Variants in WRN observed in about 807,000 individuals in gnomAD.
WRN encodes WRN RecQ like helicase, also known as bifunctional 3'-5' exonuclease/ATP-dependent helicase WRN.
A neutral mutation model predicts 180.7 loss-of-function variants in WRN; 149 were observed. The ratio of observed to expected loss-of-function variants is 0.82; its 90% CI spans 0.72 to 0.94. The LOEUF (loss-of-function observed/expected upper bound fraction) is 0.94. Ranked by LOEUF, WRN falls within the 40% of genes least tolerant of loss-of-function variation. The probability of loss-of-function intolerance (pLI) is 0.00; values close to 1 mark genes in which losing one functional copy is unlikely to be tolerated. For missense variants in WRN, 1,661 were observed against 1,700.1 expected (o/e 0.98, Z 0.40); for synonymous variants, 548 against 568.9 (o/e 0.96, Z 0.52).
In WRN at chr8:31,150,496, A is replaced by AT. The variant is rs751839835; in HGVS notation, c.3687+47dup. On this transcript the variant is annotated intron_variant, in intron 31 of 34. Transcript: ENST00000298139. ...TTGCAGGAGCTCTTAGAGAATAAGC[A>AT]TTTTTTGTAACCATTTCAAAAGTAC... is the stretch of plus-strand genomic sequence containing the variant. The AT allele has an allele frequency of 1.5e-5, 24 of 1,572,400 alleles. No individual in the cohort carries two copies. In the African/African-American group the frequency reaches 2.6e-4, roughly 17 times the overall value.
chr8:31,075,024 T>C (rs1215430438), intron 7 of WRN, among the ~76,000 whole-genome samples: 1 of 152,080 alleles, frequency 6.6e-6, no homozygotes, highest in Non-Finnish European at 1.5e-5. Flanking sequence ...GACTATGGAA[T>C]TGAGTGGCTA....
chr8:31,145,726 C>T (rs904387084), intron 28 of WRN, among the ~76,000 whole-genome samples: 1 of 151,854 alleles, frequency 6.6e-6, no homozygotes, highest in Non-Finnish European at 1.5e-5. Context: ...TCCAGAAAAC[C>T]TTCTGGAAAA....
chr8:31,127,866 G>T (rs781060140), intron 23 of WRN, among the ~76,000 whole-genome samples: 3 of 152,146 alleles, frequency 2.0e-5, no homozygotes, highest in Non-Finnish European at 4.4e-5. Context: ...TGAGACTGCA[G>T]TTGCAGTGAG....
Position 31,124,893 on chromosome 8 carries a change from T to A in WRN, c.2733-15T>A. 6.2e-7 allele frequency: 1 copy of A among 1,608,650 alleles called. No homozygotes were observed. The highest frequency in any genetic ancestry group is 8.5e-7 in the Non-Finnish European group (1 of 1,175,996). On this transcript the variant is annotated splice_polypyrimidine_tract_variant and intron_variant, in intron 22 of 34. Coordinates refer to ENST00000298139, the MANE Select transcript of WRN (RefSeq NM_000553.6). ...TTCTGTTCTTTTATTTAATTTAAAA[T>A]TTTGTCTTGGGTAGAATCATCTTGT...
chr8:31,086,578 A>G (rs956323857), intron 11 of WRN, among the ~76,000 whole-genome samples: 1 of 151,750 alleles, frequency 6.6e-6, no homozygotes, highest in Non-Finnish European at 1.5e-5. Flanking sequence ...ACCCTGTCTC[A>G]ATTAAAAAAT....
chr8:31,100,817 C>A (rs2130228455), intron 17 of WRN, 32 bp from the exon 18 acceptor site: 1 of 1,531,030 alleles, frequency 6.5e-7, no homozygotes, highest in Non-Finnish European at 8.8e-7. Flanking sequence ...CGAGCTTTAT[C>A]TTTTCCTTTA....
At chr8:31,046,569 C>T (rs1199916665) in intron 1 of WRN, among the ~76,000 whole-genome samples, 1 of 152,182 alleles carries the variant, frequency 6.6e-6, no homozygotes, top group East Asian at 1.9e-4. Context: ...GTTCTCATCT[C>T]TGCATTTTTC....
intron 30 of WRN, among the ~76,000 whole-genome samples, chr8:31,147,869 C>CTCT (rs1170737185): frequency 6.7e-6 from 1 of 149,576 alleles, no homozygotes; most frequent in Non-Finnish European, 1.5e-5. Flanking sequence ...CTTCGTCTTC[C>CTCT]TCTTCTTCTT....
chr8:31,090,791 CTATATTTTTTTCATTTTATTTT>C lies in WRN; in HGVS notation c.1721-26_1721-5del, dbSNP rs761997346. The C allele has an allele frequency of 1.6e-5, 23 of 1,465,640 alleles. 1 individual carries two copies. Among genetic ancestry groups the C allele is most frequent in the African/African-American group, 7.1e-5 (5 of 69,998 alleles). The allele number at this position is 1,465,640 out of a possible 1,614,324, so 90.8% of individuals were successfully genotyped here. A position where few individuals can be genotyped will look rare whatever the true frequency, so the allele number is the denominator to read the frequency against. On this transcript the variant is annotated intron_variant, in intron 14 of 34. Coordinates refer to ENST00000298139, the MANE Select transcript of WRN (RefSeq NM_000553.6). Reference sequence around the variant, plus strand: ...AAGCATCAAAGGTTTATTTTTATTTCTATATTTTTTTCATTTTATTTTTATATTTTTTTCATTTCAAGGATAT... The same window carrying C: ...AAGCATCAAAGGTTTATTTTTATTTCTATATTTTTTTCATTTCAAGGATAT...
chr8:31,068,236 A>T (rs764010117), intron 6 of WRN, 22 bp from the exon 7 acceptor site: 1 of 1,560,528 alleles, frequency 6.4e-7, no homozygotes, highest in Non-Finnish European at 8.8e-7. Flanking sequence ...CATACTTTTT[A>T]AATTTTTCTG....
intron 24 of WRN, among the ~76,000 whole-genome samples, chr8:31,139,888 G>A (rs1357728785): frequency 6.6e-6 from 1 of 150,396 alleles, no homozygotes; most frequent in East Asian, 2.0e-4. Flanking sequence ...TGCAGTGGAA[G>A]AATTCATAGT....
chr8:31,110,713 T>C (rs1440342604), intron 18 of WRN, among the ~76,000 whole-genome samples: 2 of 152,202 alleles, frequency 1.3e-5, no homozygotes, highest in Non-Finnish European at 1.5e-5. Flanking sequence ...GAGAATATTG[T>C]TTCTTGTATC....
At chr8:31,153,237 A>T (rs1803211931) in intron 31 of WRN, among the ~76,000 whole-genome samples, 1 of 152,146 alleles carries the variant, frequency 6.6e-6, no homozygotes. Flanking sequence ...AGCTCAATAG[A>T]TGGGTAGTGC....
At position 31,174,823 on chromosome 8, in the gene WRN, C is replaced by T. The variant is rs71506521; in HGVS notation, c.*1721C>T. ...TTCCTTCCTTCCTTCCTTCCTTCCTCCCTCCCTCCCTCCCTCCCTCCCTCC... is the reference window on the plus strand; with the variant it reads ...TTCCTTCCTTCCTTCCTTCCTTCCTTCCTCCCTCCCTCCCTCCCTCCCTCC... On this transcript the variant is annotated 3_prime_UTR_variant, in exon 35 of 35. Coordinates refer to ENST00000298139, the MANE Select transcript of WRN (RefSeq NM_000553.6). 0.42 allele frequency among the ~76,000 whole-genome samples: 22,147 copies of T among 52,840 alleles called. 3,221 individuals carry two copies. Among genetic ancestry groups the T allele is most frequent in the Middle Eastern group, 0.53 (51 of 96 alleles). The allele number at this position is 52,840 out of a possible 152,430, so 34.7% of individuals were successfully genotyped here. A position where few individuals can be genotyped will look rare whatever the true frequency, so the allele number is the denominator to read the frequency against.
At chr8:31,109,253 GA>G (rs1428664741) in intron 18 of WRN, among the ~76,000 whole-genome samples, 2 of 152,198 alleles carry the variant, frequency 1.3e-5, no homozygotes, top group African/African-American at 4.8e-5. Context: ...TGTATCCAAT[GA>G]AAACGAAGTA....
chr8:31,111,718 A>G lies in WRN; in HGVS notation c.2192A>G (p.Asp731Gly). The G allele has an allele frequency of 6.2e-7, 1 of 1,614,060 alleles. No individual in the cohort carries two copies. Among genetic ancestry groups the G allele is most frequent in the Non-Finnish European group, 8.5e-7 (1 of 1,179,972 alleles). ...RNPQITCTGFDRPNLYLEVRR... is the reference protein window; with the variant it reads ...RNPQITCTGFGRPNLYLEVRR... ...CCTCAGATCACCTGTACTGGTTTTG[A>G]TCGACCAAACCTGTATTTAGAAGTT... The change falls in exon 19 of 35, where the codon GAT becomes GGT. Residue 731 changes from aspartate to glycine, a missense_variant. Transcript: ENST00000298139.
At chr8:31,061,963 T>A (rs138335848) in intron 3 of WRN, among the ~76,000 whole-genome samples, 12 of 152,298 alleles carry the variant, frequency 7.9e-5, no homozygotes, top group African/African-American at 2.4e-4. Context: ...CCTAGCTTCC[T>A]CCTCTCCAGA....
chr8:31,145,206 A>AAGC (rs1412487294), intron 28 of WRN, among the ~76,000 whole-genome samples: 6 of 152,220 alleles, frequency 3.9e-5, no homozygotes, highest in African/African-American at 1.4e-4. Flanking sequence ...CCAGAAGAAG[A>AAGC]AGCTGTCTAG....
Position 31,059,259 on chromosome 8 carries a change from A to G in WRN, c.203A>G (p.Asp68Gly). The G allele has an allele frequency of 2.5e-6, 4 of 1,610,834 alleles. No individual in the cohort carries two copies. Among genetic ancestry groups the G allele is most frequent in the Non-Finnish European group, 2.5e-6 (3 of 1,177,164 alleles). Residue 68 changes from aspartate (D) to glycine (G), a missense_variant, in exon 3 of 35, where the codon GAT becomes GGT. Physicochemically the swap from Asp to Gly is moderately conservative, Grantham distance 94. Around this residue, in one of 3 missense-constraint regions of WRN, gnomAD observed 500 missense variants for 504.1 expected, o/e 0.99. Transcript: ENST00000298139. ...DASDCSFLSE[D>G]ISMSLSDGDV... ...AGTGATTGCTCTTTCCTGTCAGAAG[A>G]TATTAGGTAAGTGATTTGAATTTCC...
Sources: gnomAD v4.1 joint callset for allele counts (sites outside exome capture counted in the v4.1 genomes callset) on GRCh38, gnomAD v4.1.1 for gene constraint, gnomAD v4.1.1 regional missense constraint, MANE v1.5 for transcripts, NCBI Gene and HGNC (gene_info 2026-07-23, HGNC 2026-07-21) for gene names.